Variants in MYL4 observed in about 807,000 individuals in gnomAD.
The protein encoded by MYL4 is atrial myosin light chain 1.
A neutral mutation model predicts 21.6 loss-of-function variants in MYL4; 16 were observed. That is an observed-to-expected ratio of 0.74 (90% CI 0.50 to 1.12). The LOEUF is 1.12. Among genes scored for constraint, MYL4 ranks in the 50% most tolerant of loss-of-function variants. The probability of loss-of-function intolerance (pLI) is 0.00; values close to 1 mark genes in which losing one functional copy is unlikely to be tolerated. For missense variants in MYL4, 249 were observed against 252.9 expected (o/e 0.98, Z 0.11); for synonymous variants, 82 against 95.7 (o/e 0.86, Z 0.83).
intron 2 of MYL4, among the ~76,000 whole-genome samples, chr17:47,214,799 TACAC>T (rs2064802259): frequency 6.6e-6 from 1 of 152,348 alleles, no homozygotes; most frequent in African/African-American, 2.4e-5. Context: ...AGCCGTGTGA[TACAC>T]ACTGTCCACC....
intron 2 of MYL4, among the ~76,000 whole-genome samples, chr17:47,216,852 G>A (rs1186498279): frequency 2.0e-5 from 3 of 152,008 alleles, no homozygotes; most frequent in African/African-American, 7.2e-5. Context: ...GCATCACCAC[G>A]CTCAGATAAT....
chr17:47,193,125 G>A, the MYL4 span, among the ~76,000 whole-genome samples: 16 of 151,924 alleles, frequency 1.1e-4, no homozygotes, highest in Admixed American at 2.0e-4. Flanking sequence ...TCCCTGTTGC[G>A]TGCGGTTTTA....
chr17:47,212,189 C>T (rs925986295), intron 1 of MYL4, among the ~76,000 whole-genome samples: 2 of 152,098 alleles, frequency 1.3e-5, no homozygotes, highest in African/African-American at 4.8e-5. Flanking sequence ...GCACTCCAGC[C>T]TGGGTGACAA....
chr17:47,223,318 TG>T, intron 6 of MYL4, 190 bp from the exon 7 acceptor site: 1 of 468,756 alleles, frequency 2.1e-6, no homozygotes, highest in South Asian at 3.6e-5. Context: ...CCCTCAGGCC[TG>T]GGGCCTCCTG....
upstream of MYL4, among the ~76,000 whole-genome samples, chr17:47,204,528 G>C (rs943118169): frequency 3.3e-5 from 5 of 152,118 alleles, no homozygotes; most frequent in Non-Finnish European, 7.3e-5. Flanking sequence ...CTACCTTGTA[G>C]TTATAACAGC....
intron 2 of MYL4, among the ~76,000 whole-genome samples, chr17:47,216,715 A>G (rs539973185): frequency 7.1e-6 from 1 of 140,284 alleles, no homozygotes; most frequent in East Asian, 2.0e-4. Flanking sequence ...TTTTTTTGAG[A>G]CAGAGTTTTG....
At chr17:47,213,883 A>G (rs1459169729) in intron 2 of MYL4, 57 bp downstream of exon 2, 1 of 1,574,468 alleles carries the variant, frequency 6.4e-7, no homozygotes, top group East Asian at 2.2e-5. Context: ...GAGGAGGAGG[A>G]GGAGGAGGAA....
At chr17:47,224,086 C>T (rs1435549011), downstream of MYL4, among the ~76,000 whole-genome samples, 2 of 152,160 alleles carry the variant, frequency 1.3e-5, no homozygotes, top group Non-Finnish European at 2.9e-5. Context: ...CCATCTTAAC[C>T]ATTTTTAAGC....
the MYL4 span, among the ~76,000 whole-genome samples, chr17:47,194,787 C>T: frequency 6.6e-6 from 1 of 151,842 alleles, no homozygotes; most frequent in Non-Finnish European, 1.5e-5. Flanking sequence ...GAGACAGGGT[C>T]TCTGTGTTCC....
At chr17:47,223,270 C>T (rs1410090258) in intron 6 of MYL4, 7 of 558,048 alleles carry the variant, frequency 1.3e-5, no homozygotes, top group Non-Finnish European at 1.9e-5. Context: ...CAGTCACATC[C>T]TCTTGCCTCT....
At chr17:47,214,016 T>A in intron 2 of MYL4, 190 bp downstream of exon 2, 1 of 611,220 alleles carries the variant, frequency 1.6e-6, no homozygotes, top group Non-Finnish European at 2.9e-6. Flanking sequence ...TTAACTCCTT[T>A]AATTCTCATA....
At position 47,211,298 on chromosome 17, in the gene MYL4, A is replaced by C. The variant is rs1598652405; in HGVS notation, c.135+1741A>C. Among the ~76,000 whole-genome samples the C allele has an allele frequency of 2.0e-5, 3 of 152,260 alleles. No homozygotes were observed. In the South Asian group the frequency reaches 6.2e-4, roughly 32 times the overall value. ...TGAGGTGATTCATGTTTATAATCCC[A>C]GCCCTTTGGGAGGCTGAGGCGGGAG... On this transcript the variant is annotated intron_variant, in intron 1 of 6. Transcript: ENST00000393450.
chr17:47,209,706 G>C (rs1209929000), intron 1 of MYL4, 149 bp downstream of exon 1: 2 of 1,189,176 alleles, frequency 1.7e-6, no homozygotes, highest in African/African-American at 3.0e-5. Flanking sequence ...GGGCAGTGGA[G>C]TGGGTGTTGG....
upstream of MYL4, among the ~76,000 whole-genome samples, chr17:47,206,399 C>T (rs192670244): frequency 6.6e-6 from 1 of 152,116 alleles, no homozygotes; most frequent in African/African-American, 2.4e-5. Context: ...GAGGATCATA[C>T]GTCTTTGTAG....
At chr17:47,220,202 TC>T in intron 3 of MYL4, 149 bp downstream of exon 3, 1 of 989,754 alleles carries the variant, frequency 1.0e-6, no homozygotes, top group Non-Finnish European at 1.4e-6. Context: ...CTTACCCTAG[TC>T]CCATTTTGAG....
At chr17:47,198,129 G>A (rs1334822546), upstream of MYL4, among the ~76,000 whole-genome samples, 1 of 152,218 alleles carries the variant, frequency 6.6e-6, no homozygotes, top group African/African-American at 2.4e-5. Flanking sequence ...ATGCAGCAGA[G>A]AGGCTGCCAG....
At chr17:47,200,048 G>A (rs1246377049), upstream of MYL4, among the ~76,000 whole-genome samples, 1 of 150,720 alleles carries the variant, frequency 6.6e-6, no homozygotes, top group African/African-American at 2.4e-5. Context: ...GCCTCAATAA[G>A]TGTTAGTTGA....
upstream of MYL4, among the ~76,000 whole-genome samples, chr17:47,207,722 G>T (rs534514031): frequency 2.3e-4 from 35 of 152,182 alleles, no homozygotes; most frequent in Non-Finnish European, 4.4e-4. Context: ...GGATACATAA[G>T]CTTTTTTGTT....
intron 2 of MYL4, among the ~76,000 whole-genome samples, chr17:47,214,741 T>C (rs113176812): frequency 2.0e-4 from 30 of 152,356 alleles, no homozygotes; most frequent in African/African-American, 6.7e-4. Flanking sequence ...TATATAATGA[T>C]ACACAAGTTT....
Sources: allele counts gnomAD v4.1 joint callset (sites outside exome capture counted in the v4.1 genomes callset), GRCh38; gene constraint gnomAD v4.1.1; transcripts MANE v1.5; gene names NCBI Gene and HGNC (gene_info 2026-07-23, HGNC 2026-07-21).